The following GNAQ variants were observed in gnomAD, a reference collection of about 807,000 sequenced individuals.
GNAQ encodes the protein G protein subunit alpha q.
Under a neutral mutation model 43.9 loss-of-function variants are expected in GNAQ, and 8 were observed. That is an observed-to-expected ratio of 0.18 (90% confidence interval 0.11 to 0.33). GNAQ has a LOEUF of 0.33. Ranked by LOEUF, GNAQ falls within the 10% of genes least tolerant of loss-of-function variation. The probability of loss-of-function intolerance (pLI) is 1.00; values close to 1 mark genes in which losing one functional copy is unlikely to be tolerated. For missense variants in GNAQ, 158 were observed against 450.8 expected, an observed-to-expected ratio of 0.35 and a Z score of 5.88; for synonymous variants, 155 against 170.7, an observed-to-expected ratio of 0.91 and a Z score of 0.71.
At chr9:77,729,714 C>G (rs1825457202) in intron 5 of GNAQ, among the ~76,000 whole-genome samples, 1 of 152,170 alleles carries the variant, frequency 6.6e-6, no homozygotes. Flanking sequence ...TTCCAACCTC[C>G]CTTCTTAGTT....
intron 2 of GNAQ, among the ~76,000 whole-genome samples, chr9:77,857,990 G>A (rs1384694477): frequency 6.6e-6 from 1 of 151,524 alleles, no homozygotes; most frequent in Non-Finnish European, 1.5e-5. Context: ...AGCTCTGTTT[G>A]TTCCAGTCCC....
chr9:77,984,049 CAAAAAA>C (rs72279886), intron 1 of GNAQ, among the ~76,000 whole-genome samples: 10 of 67,964 alleles, frequency 1.5e-4, no homozygotes, highest in African/African-American at 2.8e-4. Context: ...TTTTGGAGAG[CAAAAAA>C]AAAAAAAAAA....
intron 1 of GNAQ, among the ~76,000 whole-genome samples, chr9:77,992,926 C>G (rs770170032): frequency 2.6e-5 from 4 of 152,142 alleles, no homozygotes; most frequent in Non-Finnish European, 4.4e-5. Flanking sequence ...GCCTGTGCAA[C>G]AGGGGCAAGA....
chr9:77,808,361 T>C (rs1394512329), intron 3 of GNAQ, among the ~76,000 whole-genome samples: 1 of 150,506 alleles, frequency 6.6e-6, no homozygotes, highest in Non-Finnish European at 1.5e-5. Context: ...GCAGGGCTTT[T>C]TGTTTGTTGT....
intron 2 of GNAQ, among the ~76,000 whole-genome samples, chr9:77,836,418 G>GA (rs1827386077): frequency 6.6e-6 from 1 of 152,100 alleles, no homozygotes; most frequent in East Asian, 1.9e-4. Flanking sequence ...CTTTAGAGCA[G>GA]AAAAAACACC....
intron 2 of GNAQ, among the ~76,000 whole-genome samples, chr9:77,838,971 A>G (rs1158435898): frequency 6.6e-6 from 1 of 152,080 alleles, no homozygotes; most frequent in Non-Finnish European, 1.5e-5. Flanking sequence ...AGTTTCTGAG[A>G]CCTGACTCTT....
chr9:77,779,107 C>A (rs1031502541), intron 5 of GNAQ, among the ~76,000 whole-genome samples: 1 of 151,900 alleles, frequency 6.6e-6, no homozygotes, highest in Admixed American at 6.6e-5. Flanking sequence ...CCAGCAACAG[C>A]AGAATGCACA....
chr9:77,960,865 T>C (rs1475143033), intron 1 of GNAQ, among the ~76,000 whole-genome samples: 1 of 152,186 alleles, frequency 6.6e-6, no homozygotes, highest in Non-Finnish European at 1.5e-5. Flanking sequence ...CATGGCTATC[T>C]TTAAAATGAA....
intron 1 of GNAQ, among the ~76,000 whole-genome samples, chr9:77,970,972 AACC>A (rs1823230598): frequency 6.6e-6 from 1 of 152,206 alleles, no homozygotes; most frequent in Non-Finnish European, 1.5e-5. Context: ...CAGAAATACA[AACC>A]ACCATCAGAG....
At chr9:77,937,357 G>A (rs1829245902) in intron 1 of GNAQ, among the ~76,000 whole-genome samples, 1 of 152,070 alleles carries the variant, frequency 6.6e-6, no homozygotes, top group Non-Finnish European at 1.5e-5. Context: ...AGAATTGCTT[G>A]AACCCAGGAT....
chr9:77,840,492 A>G (rs1827472842), intron 2 of GNAQ, among the ~76,000 whole-genome samples: 1 of 151,796 alleles, frequency 6.6e-6, no homozygotes, highest in Non-Finnish European at 1.5e-5. Flanking sequence ...ATGCGCCACC[A>G]CACCTGGCTA....
intron 6 of GNAQ, among the ~76,000 whole-genome samples, 189 bp downstream of exon 6, chr9:77,728,325 T>C (rs796579644): frequency 6.6e-6 from 1 of 152,324 alleles, no homozygotes; most frequent in African/African-American, 2.4e-5. Context: ...TTTAGCATTG[T>C]TAAGGAATGC....
rs1823298349 is a variant in GNAQ at position 77,976,093 on chromosome 9, T to C, written c.137-53748A>G. 3.3e-5 allele frequency among the ~76,000 whole-genome samples: 5 copies of C among 152,380 alleles called. No homozygotes were observed. The South Asian group carries it at 1.0e-3, about 32-fold the overall frequency. The stretch of plus-strand genomic sequence containing the variant: ...CCCAGTTTGAGGTTCACTGACATTA[T>C]GTGTATCATTTCATTCTGATTCCAT... On this transcript the variant is annotated intron_variant, in intron 1 of 6. Coordinates refer to ENST00000286548, the MANE Select transcript of GNAQ (RefSeq NM_002072.5).
chr9:77,850,065 T>G (rs1021366798), intron 2 of GNAQ, among the ~76,000 whole-genome samples: 1 of 152,218 alleles, frequency 6.6e-6, no homozygotes, highest in Non-Finnish European at 1.5e-5. Flanking sequence ...TCAGCCAGGC[T>G]TTCACCTAAG....
At chr9:77,983,881 A>G (rs1823399531) in intron 1 of GNAQ, among the ~76,000 whole-genome samples, 1 of 151,922 alleles carries the variant, frequency 6.6e-6, no homozygotes, top group East Asian at 2.0e-4. Context: ...AGTCCACTCC[A>G]AGAGACAGGA....
At chr9:77,796,503 A>G (rs1049936565) in intron 4 of GNAQ, among the ~76,000 whole-genome samples, 2 of 152,236 alleles carry the variant, frequency 1.3e-5, no homozygotes, top group African/African-American at 4.8e-5. Context: ...ATAATAAGAG[A>G]TTGAATGAAA....
intron 2 of GNAQ, among the ~76,000 whole-genome samples, chr9:77,895,454 C>T (rs1828484323): frequency 6.6e-6 from 1 of 152,112 alleles, no homozygotes; most frequent in South Asian, 2.1e-4. Context: ...ACTGTACTAT[C>T]CTGCTGCTAG....
rs530400235 is a variant in GNAQ, at chr9:77,850,951, C to T, written c.322-35181G>A. Among the ~76,000 whole-genome samples the T allele has an allele frequency of 2.0e-5, 3 of 152,214 alleles. No homozygotes were observed. In the South Asian group the frequency reaches 6.2e-4, roughly 32 times the overall value. On this transcript the variant is annotated intron_variant, in intron 2 of 6. Transcript: ENST00000286548. ...TCTTAGAGCTCCTGGGGAACAAGGA[C>T]CACCATTGCTCTTTTCTCCTCTTCC...
intron 2 of GNAQ, among the ~76,000 whole-genome samples, chr9:77,842,838 G>A: frequency 6.6e-6 from 1 of 152,040 alleles, no homozygotes. Context: ...CTTCTGCCAG[G>A]CTCCTAGAAT....
Sources: gnomAD v4.1 joint callset for allele counts (sites outside exome capture counted in the v4.1 genomes callset) on GRCh38, gnomAD v4.1.1 for gene constraint, MANE v1.5 for transcripts, NCBI Gene and HGNC (gene_info 2026-07-23, HGNC 2026-07-21) for gene names.